PCDHGA3: variants seen among roughly 807,000 people sequenced by gnomAD.
PCDHGA3 encodes protocadherin gamma subfamily A, 3.
Under a neutral mutation model 58.5 loss-of-function variants are expected in PCDHGA3, and 40 were observed. The ratio of observed to expected loss-of-function variants is 0.68; its 90% CI spans 0.53 to 0.89. PCDHGA3 has a LOEUF of 0.89. Ranked by LOEUF, PCDHGA3 falls within the 40% of genes least tolerant of loss-of-function variation. PCDHGA3 has a pLI of 0.00. For synonymous variants in PCDHGA3, 530 were observed against 525.7 expected, an observed-to-expected ratio of 1.01 and a Z score of -0.11; for missense variants, 1,223 against 1,195.9, an observed-to-expected ratio of 1.02 and a Z score of -0.33.
chr5:141,379,878 T>C (rs1775912256), intron 1 of PCDHGA3, among the ~76,000 whole-genome samples: 1 of 147,082 alleles, frequency 6.8e-6, no homozygotes, highest in African/African-American at 2.5e-5. Flanking sequence ...TTTTATGGTC[T>C]GTGAAAGCCT....
intron 1 of PCDHGA3, among the ~76,000 whole-genome samples, chr5:141,460,961 A>ATATGTGTGTGTG (rs1463306338): frequency 4.1e-5 from 6 of 144,616 alleles, no homozygotes; most frequent in Admixed American, 1.4e-4. Flanking sequence ...GTATATATAT[A>ATATGTGTGTGTG]TGTGTGTGTG....
At chr5:141,365,743 CT>C (rs2149881259) in intron 1 of PCDHGA3, 1 of 1,613,828 alleles carries the variant, frequency 6.2e-7, no homozygotes, top group Non-Finnish European at 8.5e-7. Context: ...GTGTCTCTAT[CT>C]TCTCTGTGAC....
At chr5:141,413,870 T>A (rs2095687151) in intron 1 of PCDHGA3, 1 of 1,613,268 alleles carries the variant, frequency 6.2e-7, no homozygotes, top group Admixed American at 1.7e-5. Context: ...ACTGTCCTTG[T>A]CAGTGTGACT....
chr5:141,511,140 C>T lies in PCDHGA3; in HGVS notation c.2766C>T (p.Asn922=). Reference sequence around the variant, plus strand: ...AGGCCCCAGCAGGTGGCAATGGCAACAAGAAGAAGTCGGGCAAGAAGGAGA... The same window carrying T: ...AGGCCCCAGCAGGTGGCAATGGCAATAAGAAGAAGTCGGGCAAGAAGGAGA... ...DGKAPAGGNG[N]KKKSGKKEKK is the part of the protein sequence containing the mutation. Residue 922 remains asparagine (N), a synonymous_variant, in exon 4 of 4, where the codon AAC becomes AAT. Transcript: ENST00000253812. The T allele has an allele frequency of 1.2e-6, 2 of 1,614,186 alleles. No homozygotes were observed. The highest frequency in any genetic ancestry group is 1.3e-5 in the African/African-American group (1 of 75,050).
intron 2 of PCDHGA3, among the ~76,000 whole-genome samples, chr5:141,496,775 GCAGGGCC>G (rs1025427712): frequency 6.6e-6 from 1 of 152,038 alleles, no homozygotes; most frequent in Non-Finnish European, 1.5e-5. Flanking sequence ...TCTACTATGA[GCAGGGCC>G]CTGTGCTAAA....
intron 1 of PCDHGA3, chr5:141,398,258 G>T (rs756489359): frequency 2.1e-6 from 3 of 1,454,654 alleles, no homozygotes; most frequent in Non-Finnish European, 2.8e-6. Context: ...ATGCCCAAGG[G>T]CTCCGTAGTG....
chr5:141,409,345 A>T lies in PCDHGA3; in HGVS notation c.2424+62888A>T, dbSNP rs1012428329. 4 of 1,613,902 alleles carry T rather than the reference A, an allele frequency of 2.5e-6. No individual in the cohort carries two copies. In the African/African-American group the frequency reaches 5.3e-5, roughly 22 times the overall value. ...ATCTGGATTTCGGAGGAAATGGAGAAGTCAGGTGTAATATAGAAACAGACA... is the reference window on the plus strand; with the variant it reads ...ATCTGGATTTCGGAGGAAATGGAGATGTCAGGTGTAATATAGAAACAGACA... On this transcript the variant is annotated intron_variant, in intron 1 of 3. Transcript: ENST00000253812.
In PCDHGA3 at chr5:141,344,903, G is replaced by GTTA. The variant is rs759512018; in HGVS notation, c.870_871insTTA (p.Glu290_Ile291insLeu). ...ATAAAATGCCTGGGAAAATCGCTGA[G>GTTA]ATTTTCCATCTTAACTCAGTGAGTG... On this transcript the variant is annotated inframe_insertion, in exon 1 of 4. Transcript: ENST00000253812. 1 of 1,613,758 alleles carries GTTA rather than the reference G, an allele frequency of 6.2e-7. No individual in the cohort carries two copies. Among genetic ancestry groups the GTTA allele is most frequent in the Non-Finnish European group, 8.5e-7 (1 of 1,179,878 alleles).
intron 1 of PCDHGA3, among the ~76,000 whole-genome samples, chr5:141,466,121 CA>C (rs908379481): frequency 4.8e-5 from 7 of 146,852 alleles, no homozygotes; most frequent in Non-Finnish European, 6.0e-5. Context: ...GACTCCAGCT[CA>C]AAAAAAAAAT....
chr5:141,389,622 G>C, intron 1 of PCDHGA3: 1 of 1,612,970 alleles, frequency 6.2e-7, no homozygotes, highest in South Asian at 1.1e-5. Context: ...GCCGCACGCT[G>C]CAGAGCCTGG....
intron 1 of PCDHGA3, chr5:141,364,083 A>T: frequency 2.6e-6 from 1 of 382,740 alleles, no homozygotes; most frequent in Non-Finnish European, 4.6e-6. Context: ...GAGAAATAAA[A>T]ATGGAATTTG....
In PCDHGA3 at chr5:141,476,229, C is replaced by T; in HGVS notation, c.2425-18578C>T. ...TCCACGGTCATTCACTATGAGATCC[C>T]GGAGGAAAGAGAGAAGGGTTTCGCT... On this transcript the variant is annotated intron_variant, in intron 1 of 3. Coordinates refer to ENST00000253812, the MANE Select transcript of PCDHGA3 (RefSeq NM_018916.4). The surrounding 1 kb of genome is among the most constrained non-coding windows in gnomAD (Gnocchi z 7.6). 1 of 1,613,872 alleles carries T rather than the reference C, an allele frequency of 6.2e-7. No individual in the cohort carries two copies. The highest frequency in any genetic ancestry group is 2.2e-5 in the East Asian group (1 of 44,822).
intron 1 of PCDHGA3, chr5:141,427,870 C>A (rs773176633): frequency 3.2e-6 from 5 of 1,558,750 alleles, no homozygotes; most frequent in Non-Finnish European, 4.4e-6. Context: ...TTCGAGCTCA[C>A]GATGCAGGCC....
At chr5:141,427,603 T>G in intron 1 of PCDHGA3, 2 of 681,440 alleles carry the variant, frequency 2.9e-6, no homozygotes, top group East Asian at 2.8e-5. Flanking sequence ...ACCCTACGCA[T>G]TGGTGAAGTC....
At chr5:141,505,804 G>A (rs554534524) in intron 3 of PCDHGA3, among the ~76,000 whole-genome samples, 13 of 152,240 alleles carry the variant, frequency 8.5e-5, no homozygotes, top group Admixed American at 3.3e-4. Context: ...GACTTGGATC[G>A]ACTTGCTCAA....
chr5:141,413,839 G>T (rs971599906), intron 1 of PCDHGA3: 1 of 1,613,310 alleles, frequency 6.2e-7, no homozygotes, highest in African/African-American at 1.3e-5. Flanking sequence ...CTCCGACGGG[G>T]GTGACCCTCT....
intron 1 of PCDHGA3, chr5:141,410,044 C>T (rs1220745023): frequency 1.7e-5 from 27 of 1,613,184 alleles, no homozygotes; most frequent in Admixed American, 3.3e-5. Context: ...CCAGTGAGCC[C>T]GGACTCTTCA....
At chr5:141,414,009 T>C in intron 1 of PCDHGA3, 1 of 1,612,964 alleles carries the variant, frequency 6.2e-7, no homozygotes, top group Middle Eastern at 1.7e-4. Context: ...AAGGTGCCAA[T>C]GGAGAAGTGA....
rs187164796 is a variant in PCDHGA3, at chr5:141,398,527, A to C, written c.2424+52070A>C. On this transcript the variant is annotated intron_variant, in intron 1 of 3. Transcript: ENST00000253812. ...CATTAATGACCACACGCCAAAATTC[A>C]CGCAAAATTCCTTTGAGCTGCAAAT... 1.8e-3 allele frequency: 2,980 copies of C among 1,613,696 alleles called. 47 individuals are homozygous for C. The African/African-American group carries it at 0.033, about 18-fold the overall frequency.
Sources: allele counts gnomAD v4.1 joint callset (sites outside exome capture counted in the v4.1 genomes callset), GRCh38; gene constraint gnomAD v4.1.1; non-coding constraint Gnocchi (gnomAD v3.1); transcripts MANE v1.5; gene names NCBI Gene and HGNC (gene_info 2026-07-23, HGNC 2026-07-21).